The following LRP4 variants were observed in gnomAD, a reference collection of about 807,000 sequenced individuals.
The protein encoded by LRP4 is LDL receptor related protein 4.
In LRP4, 95 loss-of-function variants were observed where a neutral mutation model predicts 220.3. The ratio of observed to expected loss-of-function variants is 0.43; its 90% CI spans 0.37 to 0.51. The LOEUF (loss-of-function observed/expected upper bound fraction) is 0.51, where lower values mean the gene tolerates loss of function less well. Ranked by LOEUF, LRP4 falls within the 20% of genes least tolerant of loss-of-function variation. The pLI is 0.00. For synonymous variants in LRP4, 903 were observed against 954.6 expected (o/e 0.95, Z 1.00); for missense variants, 1,925 against 2,567.0 (o/e 0.75, Z 5.40).
rs200746048 is a variant in LRP4, at chr11:46,899,486, C to T, written c.448G>A (p.Asp150Asn). ...DEQCDMRKCS[D>N]KEFRCSDGSC... is the part of the protein sequence containing the mutation. ...CCGTCACTACAGCGGAACTCCTTGT[C>T]GGAGCACTTGCGCATGTCTGGGGGG... Residue 150 changes from aspartate (D) to asparagine (N), a missense_variant, in exon 5 of 38, where the codon GAC becomes AAC. Around this residue, in one of 3 missense-constraint regions of LRP4, gnomAD observed 412 missense variants for 505.4 expected, o/e 0.82. Coordinates refer to ENST00000378623, the MANE Select transcript of LRP4 (RefSeq NM_002334.4). The surrounding 1 kb of genome is among the most constrained non-coding windows in gnomAD (Gnocchi z 5.9). The T allele has an allele frequency of 8.7e-6, 14 of 1,613,580 alleles. No homozygotes were observed. Among genetic ancestry groups the T allele is most frequent in the Middle Eastern group, 1.7e-4 (1 of 6,060 alleles).
chr11:46,890,125 G>A lies in LRP4; in HGVS notation c.1916-5C>T. The A allele has an allele frequency of 6.2e-7, 1 of 1,613,990 alleles. No individual in the cohort carries two copies. The highest frequency in any genetic ancestry group is 8.5e-7 in the Non-Finnish European group (1 of 1,179,952). ...TGGCGAAGGGATGCGGGAGGCCTGG[G>A]GAAAGTCCAGGAAGACCTCAGTCTG... On this transcript the variant is annotated splice_polypyrimidine_tract_variant and splice_region_variant and intron_variant, in intron 14 of 37. Transcript: ENST00000378623. The surrounding 1 kb of genome is among the most constrained non-coding windows in gnomAD (Gnocchi z 5.3).
At chr11:46,910,680 CTT>C (rs56889464) in intron 1 of LRP4, among the ~76,000 whole-genome samples, 1 of 123,812 alleles carries the variant, frequency 8.1e-6, no homozygotes, top group Non-Finnish European at 1.6e-5. Context: ...TCCTTGCCCC[CTT>C]TTTTTTTTTG....
At chr11:46,900,954 C>CT (rs1046563776) in intron 2 of LRP4, among the ~76,000 whole-genome samples, 22 of 151,368 alleles carry the variant, frequency 1.5e-4, no homozygotes, top group African/African-American at 4.9e-4. Context: ...ACCCAGCTAT[C>CT]TTTTTTTTTG....
chr11:46,879,380 G>A (rs952711083), intron 20 of LRP4, 65 bp from the exon 21 acceptor site: 9 of 1,548,986 alleles, frequency 5.8e-6, no homozygotes, highest in Non-Finnish European at 8.0e-6. Context: ...GTGGCAAAGA[G>A]CTCACTGTGG....
At chr11:46,880,275 G>A (rs1243404960) in intron 20 of LRP4, among the ~76,000 whole-genome samples, 1 of 145,364 alleles carries the variant, frequency 6.9e-6, no homozygotes, top group Admixed American at 7.1e-5. Context: ...AGGTCAGCAT[G>A]GGCAACACAC....
At chr11:46,895,037 G>A (rs1941496490) in intron 11 of LRP4, 129 bp downstream of exon 11, 1 of 1,146,392 alleles carries the variant, frequency 8.7e-7, no homozygotes, top group African/African-American at 1.5e-5. Flanking sequence ...GGCTCAGAAT[G>A]CAACTGTTGC....
At chr11:46,862,823 C>G in intron 36 of LRP4, 76 bp from the exon 37 acceptor site, 1 of 1,343,284 alleles carries the variant, frequency 7.4e-7, no homozygotes. Flanking sequence ...TAAACTGAGT[C>G]TGGTAGGCAG....
intron 37 of LRP4, among the ~76,000 whole-genome samples, chr11:46,860,133 G>A (rs1203439345): frequency 6.6e-6 from 1 of 151,670 alleles, no homozygotes; most frequent in African/African-American, 2.4e-5. Flanking sequence ...TATTTGGGAG[G>A]CTGAGGCAGG....
In LRP4 at chr11:46,899,473, C is replaced by T. The variant is rs748199837; in HGVS notation, c.461G>A (p.Arg154His). The change falls in exon 5 of 38, where the codon CGC (arginine) becomes CAC (histidine). Residue 154 changes from arginine (R) to histidine (H), a missense_variant. Physicochemically the swap from Arg to His is conservative, Grantham distance 29 (BLOSUM62 0). Coordinates refer to ENST00000378623, the MANE Select transcript of LRP4 (RefSeq NM_002334.4). The surrounding 1 kb of genome is among the most constrained non-coding windows in gnomAD (Gnocchi z 5.9). ...AGCAATGCAGCTTCCGTCACTACAGCGGAACTCCTTGTCGGAGCACTTGCG... is the reference window on the plus strand; with the variant it reads ...AGCAATGCAGCTTCCGTCACTACAGTGGAACTCCTTGTCGGAGCACTTGCG... Reference protein sequence around the residue: ...DMRKCSDKEFRCSDGSCIAEH... With the variant: ...DMRKCSDKEFHCSDGSCIAEH... The T allele has an allele frequency of 8.1e-6, 13 of 1,613,846 alleles. No individual in the cohort carries two copies. The highest frequency in any genetic ancestry group is 2.2e-5 in the South Asian group (2 of 91,090).
In LRP4 at chr11:46,890,136, G is replaced by A. The variant is rs773418876; in HGVS notation, c.1916-16C>T. 2 of 1,613,768 alleles carry A rather than the reference G, an allele frequency of 1.2e-6. No individual in the cohort carries two copies. The highest frequency in any genetic ancestry group is 1.7e-6 in the Non-Finnish European group (2 of 1,179,884). ...TGCGGGAGGCCTGGGGAAAGTCCAG[G>A]AAGACCTCAGTCTGGACGTGGTCTG... On this transcript the variant is annotated splice_polypyrimidine_tract_variant and intron_variant, in intron 14 of 37. Transcript: ENST00000378623. This position sits in a 1 kb window ranked among gnomAD's most constrained non-coding sequence, Gnocchi z 5.3.
At chr11:46,863,821 G>GT (rs1398407694) in intron 36 of LRP4, among the ~76,000 whole-genome samples, 1 of 152,058 alleles carries the variant, frequency 6.6e-6, no homozygotes, top group Middle Eastern at 3.2e-3. Flanking sequence ...CATCTGTAAA[G>GT]TGAGGAATAA....
chr11:46,872,183 G>A (rs894259132), intron 30 of LRP4, among the ~76,000 whole-genome samples: 3 of 152,210 alleles, frequency 2.0e-5, no homozygotes, highest in Non-Finnish European at 4.4e-5. Context: ...TTAAACCCAG[G>A]AGGCGGAGGT....
chr11:46,894,132 T>C (rs915909969), intron 12 of LRP4, among the ~76,000 whole-genome samples: 2 of 152,272 alleles, frequency 1.3e-5, no homozygotes, highest in African/African-American at 2.4e-5. Context: ...CCTCAGGTGA[T>C]CTGCCCACCT....
rs768401396 is a variant in LRP4, at chr11:46,883,949, G to A, written c.2534C>T (p.Thr845Ile). ...GAGTACTGTTCTCATGCTGCCATCT[G>A]TGTTGGCTACTTCAATCCGGTCTGT... Reference protein sequence around the residue: ...AGTDRIEVANTDGSMRTVLIW... With the variant: ...AGTDRIEVANIDGSMRTVLIW... The change falls in exon 19 of 38, where the codon ACA becomes ATA. Residue 845 changes from threonine to isoleucine, a missense_variant. Around this residue, in one of 3 missense-constraint regions of LRP4, gnomAD observed 1,244 missense variants for 1,624.9 expected, o/e 0.77. Transcript: ENST00000378623. 6.2e-7 allele frequency: 1 copy of A among 1,614,070 alleles called. No individual in the cohort carries two copies. The highest frequency in any genetic ancestry group is 8.5e-7 in the Non-Finnish European group (1 of 1,179,918).
chr11:46,883,891 G>A lies in LRP4; in HGVS notation c.2592C>T (p.Ile864=), dbSNP rs750394691. ...CTCACCCGCCCATGGGTTCCACCACGATGTCCCGAGGACGATCAAGGTTCT... is the reference window on the plus strand; with the variant it reads ...CTCACCCGCCCATGGGTTCCACCACAATGTCCCGAGGACGATCAAGGTTCT... The part of the protein sequence containing the change: ...IWENLDRPRD[I]VVEPMGGYMY... The change falls in exon 19 of 38, where the codon ATC becomes ATT. Residue 864 remains isoleucine, a synonymous_variant. Coordinates refer to ENST00000378623, the MANE Select transcript of LRP4 (RefSeq NM_002334.4). 6.2e-6 allele frequency: 10 copies of A among 1,614,034 alleles called. No homozygotes were observed. Among genetic ancestry groups the A allele is most frequent in the Middle Eastern group, 1.6e-4 (1 of 6,074 alleles).
intron 20 of LRP4, among the ~76,000 whole-genome samples, chr11:46,880,855 C>T (rs1037311398): frequency 4.0e-5 from 6 of 151,372 alleles, no homozygotes; most frequent in Non-Finnish European, 2.9e-5. Flanking sequence ...GCAGAAGGAT[C>T]GTTTGAGGCC....
intron 9 of LRP4, 52 bp from the exon 10 acceptor site, chr11:46,896,070 G>C (rs750952114): frequency 6.2e-7 from 1 of 1,613,358 alleles, no homozygotes; most frequent in Non-Finnish European, 8.5e-7. Context: ...CTCCCCCAGA[G>C]AGCCAACTTG....
intron 10 of LRP4, among the ~76,000 whole-genome samples, chr11:46,895,671 G>A (rs563306685): frequency 3.9e-5 from 6 of 152,294 alleles, no homozygotes; most frequent in Admixed American, 6.5e-5. Flanking sequence ...TCTGCTACTC[G>A]CCAGCTGTGT....
rs1165493283 is a variant in LRP4, at chr11:46,908,791, T to C, written c.53-5862A>G. On this transcript the variant is annotated intron_variant, in intron 1 of 37. Transcript: ENST00000378623. The stretch of plus-strand genomic sequence containing the variant: ...CAGCACTTTTGAATCAGCACTCGAG[T>C]GTTGTTGGTCCAGGGAACAGGGCTT... Among the ~76,000 whole-genome samples, 5 of 152,190 alleles carry C rather than the reference T, an allele frequency of 3.3e-5. No homozygotes were observed. The South Asian group carries it at 8.3e-4, about 25-fold the overall frequency.
Sources: allele counts gnomAD v4.1 joint callset (sites outside exome capture counted in the v4.1 genomes callset), GRCh38; gene constraint gnomAD v4.1.1; regional missense constraint gnomAD v4.1.1; non-coding constraint Gnocchi (gnomAD v3.1); transcripts MANE v1.5; gene names NCBI Gene and HGNC (gene_info 2026-07-23, HGNC 2026-07-21).